Variants in LGSN observed in about 807,000 individuals in gnomAD.
LGSN encodes lengsin.
In LGSN, 21 loss-of-function variants were observed where a neutral mutation model predicts 19.5. The observed-to-expected ratio is 1.07, with a 90% CI of 0.76 to 1.55. The LOEUF (loss-of-function observed/expected upper bound fraction) is 1.55. Ranked by LOEUF, LGSN falls within the 40% of genes most tolerant of loss-of-function variation. The probability of loss-of-function intolerance (pLI) is 0.00; values close to 1 mark genes in which losing one functional copy is unlikely to be tolerated. For missense variants in LGSN, 673 were observed against 608.5 expected (o/e 1.11, Z -1.12); for synonymous variants, 257 against 215.6 (o/e 1.19, Z -1.68).
chr6:63,320,175 C>A (rs1002334166), upstream of LGSN, among the ~76,000 whole-genome samples: 3 of 152,132 alleles, frequency 2.0e-5, no homozygotes, highest in East Asian at 5.8e-4. Flanking sequence ...TGCTTGTTTA[C>A]GCCTGACTCC....
chr6:63,286,845 C>T (rs147835853), intron 2 of LGSN, among the ~76,000 whole-genome samples: 56 of 152,298 alleles, frequency 3.7e-4, no homozygotes, highest in African/African-American at 1.1e-3. Context: ...AACATATGAC[C>T]TACTTCATAG....
At chr6:63,345,725 G>C in the LGSN span, among the ~76,000 whole-genome samples, 450 of 152,154 alleles carry the variant, frequency 3.0e-3, 3 homozygotes, top group African/African-American at 0.01. Context: ...ATCACATGGC[G>C]ACCTTACTCC....
At chr6:63,382,533 G>A in the LGSN span, among the ~76,000 whole-genome samples, 1 of 152,320 alleles carries the variant, frequency 6.6e-6, no homozygotes, top group African/African-American at 2.4e-5. Flanking sequence ...ACAGAAGCAT[G>A]TTTTGCACCC....
chr6:63,500,337 G>T, the LGSN span, among the ~76,000 whole-genome samples: 1 of 152,210 alleles, frequency 6.6e-6, no homozygotes, highest in African/African-American at 2.4e-5. Flanking sequence ...AAGAGCACTG[G>T]CTTAAGAAGT....
chr6:63,460,650 C>T, the LGSN span, among the ~76,000 whole-genome samples: 3 of 152,220 alleles, frequency 2.0e-5, no homozygotes, highest in Admixed American at 6.5e-5. Flanking sequence ...CCTACTATTA[C>T]TTAAGTGAAA....
chr6:63,397,100 A>C, the LGSN span: 2 of 152,246 alleles, frequency 1.3e-5, no homozygotes, highest in Non-Finnish European at 2.9e-5. Flanking sequence ...CTCAAGCTAC[A>C]CTTGGCCTAT....
the LGSN span, among the ~76,000 whole-genome samples, chr6:63,416,806 G>A: frequency 6.6e-6 from 1 of 151,880 alleles, no homozygotes; most frequent in African/African-American, 2.4e-5. Flanking sequence ...GACCTCAAGT[G>A]ATCTGCCCAC....
chr6:63,419,880 C>CAAAA, the LGSN span, among the ~76,000 whole-genome samples: 11 of 57,338 alleles, frequency 1.9e-4, 1 homozygote, highest in Non-Finnish European at 2.6e-4. Flanking sequence ...AACTCCCTCC[C>CAAAA]AAAAAAAAAA....
the LGSN span, among the ~76,000 whole-genome samples, chr6:63,503,354 G>A: frequency 1.5e-4 from 23 of 152,138 alleles, no homozygotes; most frequent in Non-Finnish European, 8.8e-5. Flanking sequence ...AGACTTCATC[G>A]CCTGGAAGTA....
the LGSN span, among the ~76,000 whole-genome samples, chr6:63,412,906 G>A: frequency 6.7e-6 from 1 of 148,380 alleles, no homozygotes; most frequent in Non-Finnish European, 1.5e-5. Flanking sequence ...GAGAGAGAGA[G>A]AAAGGAAGGA....
At chr6:63,496,555 T>A in the LGSN span, among the ~76,000 whole-genome samples, 1 of 151,692 alleles carries the variant, frequency 6.6e-6, no homozygotes, top group African/African-American at 2.4e-5. Context: ...AGGAAGTGGG[T>A]TATAAAATAG....
the LGSN span, among the ~76,000 whole-genome samples, chr6:63,411,740 T>C: frequency 6.6e-6 from 1 of 152,130 alleles, no homozygotes; most frequent in East Asian, 1.9e-4. Context: ...CTCAGGATGT[T>C]GAAGCACAAG....
chr6:63,531,246 A>G, the LGSN span, among the ~76,000 whole-genome samples: 2 of 152,106 alleles, frequency 1.3e-5, no homozygotes, highest in African/African-American at 4.8e-5. Context: ...TAAACTAATC[A>G]CAGACTAAGA....
At chr6:63,294,879 A>G in intron 2 of LGSN, 34 bp downstream of exon 2, 1 of 1,610,522 alleles carries the variant, frequency 6.2e-7, no homozygotes, top group South Asian at 1.1e-5. Context: ...GCCTCTGACC[A>G]CACCATTTTT....
At chr6:63,546,715 A>C in the LGSN span, among the ~76,000 whole-genome samples, 1 of 152,194 alleles carries the variant, frequency 6.6e-6, no homozygotes, top group Non-Finnish European at 1.5e-5. Flanking sequence ...TCAAAAAAAA[A>C]AAATAGAGTA....
the LGSN span, chr6:63,572,400 CGCG>C: frequency 2.9e-6 from 1 of 342,798 alleles, no homozygotes; most frequent in Non-Finnish European, 5.2e-6. Flanking sequence ...GCTCCTGGCC[CGCG>C]GTTCCAGGCC....
At chr6:63,289,034 G>A (rs1440309113) in intron 2 of LGSN, among the ~76,000 whole-genome samples, 2 of 152,158 alleles carry the variant, frequency 1.3e-5, no homozygotes. Context: ...CTGCCACACT[G>A]TATACTCACA....
chr6:63,391,178 A>G, the LGSN span, among the ~76,000 whole-genome samples: 1,288 of 152,354 alleles, frequency 8.5e-3, 22 homozygotes, highest in African/African-American at 0.029. Context: ...CAAATTTGCT[A>G]TTAAATAATT....
chr6:63,486,107 G>A, the LGSN span, among the ~76,000 whole-genome samples: 1 of 152,084 alleles, frequency 6.6e-6, no homozygotes, highest in Non-Finnish European at 1.5e-5. Context: ...AGAGGGAAAT[G>A]CTCCTTAAGA....
Sources: allele counts gnomAD v4.1 joint callset (sites outside exome capture counted in the v4.1 genomes callset), GRCh38; gene constraint gnomAD v4.1.1; transcripts MANE v1.5; gene names NCBI Gene and HGNC (gene_info 2026-07-23, HGNC 2026-07-21).